Variants in RBFOX1 observed in about 807,000 individuals in gnomAD.
RBFOX1 encodes RNA binding protein fox-1 homolog 1.
In RBFOX1, 8 loss-of-function variants were observed where a neutral mutation model predicts 57.7. The ratio of observed to expected loss-of-function variants is 0.14; its 90% CI spans 0.08 to 0.25. The LOEUF (loss-of-function observed/expected upper bound fraction) is 0.25. RBFOX1 is among the 10% of genes least tolerant of loss of function. RBFOX1 has a pLI of 1.00. For missense variants in RBFOX1, 611 were observed against 548.5 expected (o/e 1.11, Z -1.14); for synonymous variants, 326 against 222.4 (o/e 1.47, Z -4.15).
At chr16:7,025,065 C>A (rs374418918) in intron 3 of RBFOX1, among the ~76,000 whole-genome samples, 1 of 152,044 alleles carries the variant, frequency 6.6e-6, no homozygotes, top group Non-Finnish European at 1.5e-5. Context: ...GAGTTGAGGG[C>A]GTGTCTGTAG....
At chr16:5,969,563 C>T (rs1370186441) in intron 4 of RBFOX1, among the ~76,000 whole-genome samples, 4 of 148,876 alleles carry the variant, frequency 2.7e-5, no homozygotes, top group Non-Finnish European at 5.9e-5. Flanking sequence ...ATCTCATGAT[C>T]CGCCTGCCTC....
At chr16:5,698,954 T>C (rs946245711) in intron 3 of RBFOX1, among the ~76,000 whole-genome samples, 2 of 151,748 alleles carry the variant, frequency 1.3e-5, no homozygotes, top group Non-Finnish European at 2.9e-5. Flanking sequence ...TGGTTTTAGA[T>C]ATCTCTCTTA....
chr16:6,135,888 A>G (rs2096663561), intron 1 of RBFOX1, among the ~76,000 whole-genome samples: 1 of 135,366 alleles, frequency 7.4e-6, no homozygotes, highest in Non-Finnish European at 1.5e-5. Context: ...TCTGCCTCCC[A>G]GGCTCAAGTG....
chr16:6,749,399 A>G (rs991184712), intron 3 of RBFOX1, among the ~76,000 whole-genome samples: 3 of 152,178 alleles, frequency 2.0e-5, no homozygotes, highest in African/African-American at 4.8e-5. Context: ...CCAAGGAGGC[A>G]TGAGATGGAC....
At chr16:7,558,277 C>T (rs1315943528) in intron 5 of RBFOX1, among the ~76,000 whole-genome samples, 1 of 151,972 alleles carries the variant, frequency 6.6e-6, no homozygotes, top group African/African-American at 2.4e-5. Context: ...TCACTTGAGC[C>T]TGGGAGGTCG....
chr16:7,709,773 A>G (rs1455383992), intron 15 of RBFOX1: 21 of 1,088,794 alleles, frequency 1.9e-5, no homozygotes, highest in Middle Eastern at 4.0e-4. Context: ...AGGGTAAAAA[A>G]TGGGAGGTAA....
At chr16:5,984,514 T>A (rs532626017) in intron 4 of RBFOX1, among the ~76,000 whole-genome samples, 1 of 152,190 alleles carries the variant, frequency 6.6e-6, no homozygotes, top group South Asian at 2.1e-4. Flanking sequence ...GCAGCTGCTA[T>A]GCAAAAGGTT....
intron 4 of RBFOX1, among the ~76,000 whole-genome samples, chr16:7,180,470 A>C (rs924659558): frequency 6.6e-6 from 1 of 152,154 alleles, no homozygotes; most frequent in African/African-American, 2.4e-5. Context: ...TGTTTTCAGA[A>C]AGTCTACACC....
At chr16:7,115,040 C>T (rs1172856424) in intron 4 of RBFOX1, among the ~76,000 whole-genome samples, 1 of 152,190 alleles carries the variant, frequency 6.6e-6, no homozygotes, top group Non-Finnish European at 1.5e-5. Flanking sequence ...TCTTCACCTT[C>T]TTCAACTCAC....
chr16:7,311,066 C>A (rs1234610706), intron 4 of RBFOX1, among the ~76,000 whole-genome samples: 1 of 152,154 alleles, frequency 6.6e-6, no homozygotes, highest in Non-Finnish European at 1.5e-5. Context: ...GAGTTAAGTT[C>A]TTTGTGATGC....
chr16:5,550,425 T>A (rs1369550438), intron 2 of RBFOX1, among the ~76,000 whole-genome samples: 1 of 152,124 alleles, frequency 6.6e-6, no homozygotes, highest in Non-Finnish European at 1.5e-5. Context: ...TACCGCTCTG[T>A]TGGATCCATC....
At chr16:7,236,959 T>A (rs2093798358) in intron 4 of RBFOX1, among the ~76,000 whole-genome samples, 1 of 152,198 alleles carries the variant, frequency 6.6e-6, no homozygotes. Context: ...GTTTATAAAC[T>A]CTGTGTAACT....
chr16:6,029,967 G>A (rs1006293863), intron 1 of RBFOX1, among the ~76,000 whole-genome samples: 1 of 152,024 alleles, frequency 6.6e-6, no homozygotes, highest in Non-Finnish European at 1.5e-5. Flanking sequence ...AGGCTGGAGT[G>A]CAGTGATGCA....
chr16:7,662,647 G>A (rs990537740), intron 12 of RBFOX1, among the ~76,000 whole-genome samples: 9 of 152,188 alleles, frequency 5.9e-5, no homozygotes, highest in African/African-American at 1.9e-4. Context: ...AGAAATTGAC[G>A]AGTGGCTCTG....
chr16:6,570,756 C>T (rs2097334030), intron 2 of RBFOX1, among the ~76,000 whole-genome samples: 2 of 152,040 alleles, frequency 1.3e-5, no homozygotes, highest in Non-Finnish European at 2.9e-5. Context: ...TGCCATGTGG[C>T]ATTTGTTTAA....
intron 3 of RBFOX1, among the ~76,000 whole-genome samples, chr16:6,914,565 A>T (rs75718219): frequency 6.6e-6 from 1 of 151,046 alleles, no homozygotes; most frequent in African/African-American, 2.4e-5. Flanking sequence ...AACAAAAATA[A>T]AAAAAAAAAC....
chr16:5,555,425 A>G (rs1459809214), intron 2 of RBFOX1, among the ~76,000 whole-genome samples: 3 of 151,364 alleles, frequency 2.0e-5, no homozygotes, highest in Admixed American at 1.3e-4. Context: ...AAATTTTTGT[A>G]TTTTTAGTAC....
chr16:5,464,672 C>T (rs2068898853), intron 1 of RBFOX1, among the ~76,000 whole-genome samples: 1 of 152,234 alleles, frequency 6.6e-6, no homozygotes, highest in Admixed American at 6.5e-5. Context: ...CCCATCATGT[C>T]TCCAGCATTC....
chr16:6,263,203 C>T lies in RBFOX1; in HGVS notation c.-126-53792C>T, dbSNP rs1046149304. 3.9e-5 allele frequency among the ~76,000 whole-genome samples: 6 copies of T among 152,120 alleles called. 1 individual carries two copies. The South Asian group carries it at 8.3e-4, about 21-fold the overall frequency. On this transcript the variant is annotated intron_variant, in intron 1 of 15. Coordinates refer to ENST00000550418, the MANE Select transcript of RBFOX1 (RefSeq NM_018723.4). ...ATGGTTCTGCTCAATATTGGAGGGT[C>T]ATACTTTCTGCTTCCCCAGGAATTT...
Sources: gnomAD v4.1 joint callset for allele counts (sites outside exome capture counted in the v4.1 genomes callset) on GRCh38, gnomAD v4.1.1 for gene constraint, MANE v1.5 for transcripts, NCBI Gene and HGNC (gene_info 2026-07-23, HGNC 2026-07-21) for gene names.